Variants in ITGA8 observed in about 807,000 individuals in gnomAD.
The protein encoded by ITGA8 is integrin subunit alpha 8, also known as integrin alpha-8.
ITGA8 carries 91 observed loss-of-function variants against 142.3 expected under a neutral mutation model. The ratio of observed to expected loss-of-function variants is 0.64; its 90% CI spans 0.54 to 0.76. ITGA8 has a LOEUF of 0.76. Ranked by LOEUF, ITGA8 falls within the 30% of genes least tolerant of loss-of-function variation. ITGA8 has a pLI of 0.00. For synonymous variants in ITGA8, 505 were observed against 485.2 expected (o/e 1.04, Z -0.54); for missense variants, 1,406 against 1,327.7 (o/e 1.06, Z -0.92).
At chr10:15,672,929 C>G (rs1039503113) in intron 6 of ITGA8, among the ~76,000 whole-genome samples, 180 bp from the exon 7 acceptor site, 7 of 152,182 alleles carry the variant, frequency 4.6e-5, no homozygotes, top group African/African-American at 1.7e-4. Context: ...ACTTTCCATT[C>G]TGACAGAAGA....
At chr10:15,564,900 T>C (rs1310013998) in intron 25 of ITGA8, among the ~76,000 whole-genome samples, 1 of 152,258 alleles carries the variant, frequency 6.6e-6, no homozygotes, top group Non-Finnish European at 1.5e-5. Flanking sequence ...GTCCACCATG[T>C]AATTTTCTTT....
rs1444918928 is a variant in ITGA8, at chr10:15,629,952, A to C, written c.1400-13393T>G. 1.3e-5 allele frequency among the ~76,000 whole-genome samples: 2 copies of C among 152,000 alleles called. 1 individual carries two copies. Among genetic ancestry groups the C allele is most frequent in the African/African-American group, 4.8e-5 (2 of 41,266 alleles). ...AACAACAATAAAAAACAAAACAAAT[A>C]AACAAAAAAACAAGTTTGGAGAAAG... On this transcript the variant is annotated intron_variant, in intron 13 of 29. Coordinates refer to ENST00000378076, the MANE Select transcript of ITGA8 (RefSeq NM_003638.3).
chr10:15,588,031 G>A (rs1832862122), intron 22 of ITGA8, among the ~76,000 whole-genome samples: 1 of 152,022 alleles, frequency 6.6e-6, no homozygotes, highest in African/African-American at 2.4e-5. Flanking sequence ...AACAGGTCAT[G>A]TTTATATTCA....
At position 15,521,239 on chromosome 10, in the gene ITGA8, G is replaced by C. The variant is rs144401657; in HGVS notation, c.2983-1827C>G. On this transcript the variant is annotated intron_variant, in intron 28 of 29. Transcript: ENST00000378076. ...TGGTTTCACCATTCTGGCCAGGCTGGTCTAGAACTCCTGACCTCAAGTGAT... is the reference window on the plus strand; with the variant it reads ...TGGTTTCACCATTCTGGCCAGGCTGCTCTAGAACTCCTGACCTCAAGTGAT... 3.2e-4 allele frequency among the ~76,000 whole-genome samples: 49 copies of C among 152,122 alleles called. 1 individual carries two copies. The East Asian group carries it at 9.3e-3, about 29-fold the overall frequency.
intron 9 of ITGA8, among the ~76,000 whole-genome samples, 171 bp from the exon 10 acceptor site, chr10:15,659,226 C>T (rs1359094422): frequency 1.3e-5 from 2 of 149,178 alleles, no homozygotes; most frequent in Non-Finnish European, 3.0e-5. Flanking sequence ...AAAAAAAAGC[C>T]GATTAAAGTT....
At chr10:15,683,646 G>T (rs1834782597) in intron 4 of ITGA8, among the ~76,000 whole-genome samples, 2 of 152,236 alleles carry the variant, frequency 1.3e-5, no homozygotes. Context: ...AACCATGCTA[G>T]CTAACACCGT....
chr10:15,585,807 A>C (rs537602194), intron 23 of ITGA8, among the ~76,000 whole-genome samples: 2 of 152,238 alleles, frequency 1.3e-5, no homozygotes, highest in South Asian at 4.2e-4. Context: ...ACCTTCCTTA[A>C]AGAATAGGAC....
In ITGA8 at chr10:15,660,897, T is replaced by A; in HGVS notation, c.873A>T (p.Gly291=). The A allele has an allele frequency of 6.2e-7, 1 of 1,613,768 alleles. No homozygotes were observed. The highest frequency in any genetic ancestry group is 8.5e-7 in the Non-Finnish European group (1 of 1,179,822). ...QQELVAGIPR[G]AQNFGYVSII... ...TACTCACATATCCAAAATTCTGTGC[T>A]CCTCTTGGAATTCCAGCAACCAATT... Residue 291 remains glycine, a synonymous_variant, in exon 9 of 30, where the codon GGA becomes GGT. Transcript: ENST00000378076.
chr10:15,577,614 A>G (rs1025778254), intron 23 of ITGA8, among the ~76,000 whole-genome samples: 1 of 152,160 alleles, frequency 6.6e-6, no homozygotes, highest in East Asian at 1.9e-4. Context: ...TTATTTACCC[A>G]CCGAAGACTA....
rs1380148881 is a variant in ITGA8 at position 15,548,478 on chromosome 10, A to G, written c.2857T>C (p.Leu953=). Residue 953 remains leucine (L), a synonymous_variant, in exon 27 of 30, where the codon TTA becomes CTA. Transcript: ENST00000378076. ...ACCTGGAGGAAGGTGTGGGCCCATA[A>G]TCGTGACCTGACTTTCAGGACTGCG... The part of the protein sequence containing the change: ...ESAVLKVRSR[L]WAHTFLQRKN... 2 of 1,610,046 alleles carry G rather than the reference A, an allele frequency of 1.2e-6. No individual in the cohort carries two copies. The highest frequency in any genetic ancestry group is 1.7e-6 in the Non-Finnish European group (2 of 1,178,646).
Position 15,517,019 on chromosome 10 carries a change from A to G in ITGA8, c.*139T>C. 2.5e-6 allele frequency: 1 copy of G among 406,556 alleles called. No homozygotes were observed. The highest frequency in any genetic ancestry group is 4.2e-6 in the Non-Finnish European group (1 of 237,076). 25.2% of individuals were successfully genotyped at this position (406,556 alleles called of 1,614,324 possible). A position where few individuals can be genotyped will look rare whatever the true frequency, so the allele number is the denominator to read the frequency against. The stretch of plus-strand genomic sequence containing the variant: ...ATTTCTCCAAAGTGCGGTGTAGATG[A>G]GGTGATGTTTCCAGGGTCCCCTCCA... On this transcript the variant is annotated 3_prime_UTR_variant, in exon 30 of 30. Coordinates refer to ENST00000378076, the MANE Select transcript of ITGA8 (RefSeq NM_003638.3).
At chr10:15,679,726 C>T (rs944010624) in intron 4 of ITGA8, among the ~76,000 whole-genome samples, 1 of 152,196 alleles carries the variant, frequency 6.6e-6, no homozygotes, top group South Asian at 2.1e-4. Context: ...ATCTTGCTTT[C>T]TATCCAATAT....
At chr10:15,605,127 C>T (rs1833171050) in intron 19 of ITGA8, among the ~76,000 whole-genome samples, 1 of 152,074 alleles carries the variant, frequency 6.6e-6, no homozygotes, top group Admixed American at 6.6e-5. Context: ...TTCTTGACCA[C>T]AGAATGTTTT....
Position 15,705,518 on chromosome 10 carries a change from A to G in ITGA8, c.343+13248T>C, listed in dbSNP as rs1835241534. On this transcript the variant is annotated intron_variant, in intron 2 of 29. Coordinates refer to ENST00000378076, the MANE Select transcript of ITGA8 (RefSeq NM_003638.3). ...GAATCCCCTGCATTTCCCTCCACTC[A>G]GAAATTGGTTCCTGACTATGGTCTC... Among the ~76,000 whole-genome samples the G allele has an allele frequency of 2.0e-5, 3 of 152,318 alleles. No homozygotes were observed. In the South Asian group the frequency reaches 6.2e-4, roughly 32 times the overall value.
At chr10:15,546,244 C>T (rs1833665706) in intron 27 of ITGA8, among the ~76,000 whole-genome samples, 1 of 152,210 alleles carries the variant, frequency 6.6e-6, no homozygotes, top group South Asian at 2.1e-4. Context: ...TGTTTGCCTG[C>T]TCAGTTTCTG....
intron 28 of ITGA8, among the ~76,000 whole-genome samples, chr10:15,525,241 G>A (rs1245589854): frequency 6.6e-6 from 1 of 152,092 alleles, no homozygotes; most frequent in Non-Finnish European, 1.5e-5. Flanking sequence ...CTGAAGTTCT[G>A]TAGGTATTAT....
chr10:15,670,202 G>A (rs1782120170), intron 8 of ITGA8, among the ~76,000 whole-genome samples: 1 of 152,222 alleles, frequency 6.6e-6, no homozygotes, highest in Non-Finnish European at 1.5e-5. Flanking sequence ...GTGTTCATAT[G>A]AAACAAGATG....
At chr10:15,572,404 C>T in intron 24 of ITGA8, 35 bp from the exon 25 acceptor site, 1 of 1,599,898 alleles carries the variant, frequency 6.3e-7, no homozygotes, top group South Asian at 1.1e-5. Context: ...AATGACCCAG[C>T]AGAAGGCAGA....
At chr10:15,586,799 A>G in intron 22 of ITGA8, 135 bp from the exon 23 acceptor site, 1 of 559,210 alleles carries the variant, frequency 1.8e-6, no homozygotes, top group Non-Finnish European at 3.2e-6. Context: ...AAGTGTATTC[A>G]TTCTCCAAAA....
Sources: allele counts gnomAD v4.1 joint callset (sites outside exome capture counted in the v4.1 genomes callset), GRCh38; gene constraint gnomAD v4.1.1; transcripts MANE v1.5; gene names NCBI Gene and HGNC (gene_info 2026-07-23, HGNC 2026-07-21).